Variants in JAK1 observed in about 807,000 individuals in gnomAD.
The protein encoded by JAK1 is tyrosine-protein kinase JAK1.
In JAK1, 16 loss-of-function variants were observed where a neutral mutation model predicts 136.6. That is an observed-to-expected ratio of 0.12 (90% CI 0.08 to 0.18). JAK1 has a LOEUF of 0.18. Among genes scored for constraint, JAK1 ranks in the 10% least tolerant of loss-of-function variants. The pLI is 1.00. For synonymous variants in JAK1, 492 were observed against 519.5 expected, an observed-to-expected ratio of 0.95 and a Z score of 0.72; for missense variants, 859 against 1,450.1, an observed-to-expected ratio of 0.59 and a Z score of 6.62.
intron 1 of JAK1, among the ~76,000 whole-genome samples, chr1:64,949,242 G>A (rs1646039647): frequency 6.6e-6 from 1 of 152,160 alleles, no homozygotes; most frequent in African/African-American, 2.4e-5. Flanking sequence ...AGTCATCAAA[G>A]TAGAATACAT....
intron 2 of JAK1, among the ~76,000 whole-genome samples, chr1:65,010,012 C>A (rs531934878): frequency 6.6e-6 from 1 of 152,328 alleles, no homozygotes; most frequent in South Asian, 2.1e-4. Context: ...ACTTTCGACT[C>A]CATCATGCAA....
chr1:64,999,350 C>T (rs1030662817), intron 2 of JAK1, among the ~76,000 whole-genome samples: 1 of 152,194 alleles, frequency 6.6e-6, no homozygotes, highest in African/African-American at 2.4e-5. Context: ...CACCTTGTTT[C>T]TGTATAGGAC....
chr1:64,850,907 A>T lies in JAK1; in HGVS notation c.1652T>A (p.Ile551Asn). The T allele has an allele frequency of 6.2e-7, 1 of 1,609,452 alleles. No homozygotes were observed. Residue 551 changes from isoleucine (I) to asparagine (N), a missense_variant, in exon 12 of 25, where the codon ATC (isoleucine) becomes AAC (asparagine). Physicochemically the swap from Ile to Asn is moderately radical, Grantham distance 149. This residue lies in a region of JAK1 where 409 missense variants were observed against 753.8 expected (regional missense o/e 0.54). Transcript: ENST00000342505. ...CTTAGTAGCCACCAGCAGGTTGGAGATTTCTGTGGAAGAGATTGGGGGAGT... is the reference window on the plus strand; with the variant it reads ...CTTAGTAGCCACCAGCAGGTTGGAGTTTTCTGTGGAAGAGATTGGGGGAGT... ...KRCCQPKPRE[I>N]SNLLVATKKA...
intron 1 of JAK1, among the ~76,000 whole-genome samples, chr1:64,909,503 C>G (rs1236438761): frequency 6.6e-6 from 1 of 151,954 alleles, no homozygotes; most frequent in African/African-American, 2.4e-5. Flanking sequence ...GACAGTGTCA[C>G]AAGAATTATT....
chr1:65,011,672 G>C (rs1470452398), intron 2 of JAK1, among the ~76,000 whole-genome samples: 1 of 152,176 alleles, frequency 6.6e-6, no homozygotes, highest in Non-Finnish European at 1.5e-5. Context: ...TTTCACCTGT[G>C]ATGACTAGAC....
intron 12 of JAK1, among the ~76,000 whole-genome samples, chr1:64,850,365 T>C (rs766854838): frequency 4.6e-5 from 7 of 152,256 alleles, no homozygotes; most frequent in Non-Finnish European, 8.8e-5. Flanking sequence ...GCATGTCCTC[T>C]TGTTCCCTCC....
At position 64,854,688 on chromosome 1, in the gene JAK1, A is replaced by C. The variant is rs79927092; in HGVS notation, c.1648+821T>G. Among the ~76,000 whole-genome samples, 100 of 151,814 alleles carry C rather than the reference A, an allele frequency of 6.6e-4. No homozygotes were observed. The East Asian group carries it at 7.9e-3, about 12-fold the overall frequency. ...AAACAGCTGAGTGGCTCCCCCTTGG[A>C]TCCATTTCACTCCCTGATCCTCCCT... is the stretch of plus-strand genomic sequence containing the variant. On this transcript the variant is annotated intron_variant, in intron 11 of 24. Coordinates refer to ENST00000342505, the MANE Select transcript of JAK1 (RefSeq NM_002227.4).
chr1:64,869,027 G>A (rs1407722960), intron 6 of JAK1, among the ~76,000 whole-genome samples: 1 of 152,140 alleles, frequency 6.6e-6, no homozygotes, highest in Non-Finnish European at 1.5e-5. Context: ...TCCACCATGG[G>A]CAAGGAGGGG....
chr1:64,926,508 C>T (rs1028953627), intron 1 of JAK1, among the ~76,000 whole-genome samples: 6 of 152,026 alleles, frequency 3.9e-5, no homozygotes, highest in Non-Finnish European at 5.9e-5. Context: ...TCAGTATACA[C>T]GGCCCTTCCC....
At chr1:65,062,044 G>GA (rs955425931) in intron 1 of JAK1, among the ~76,000 whole-genome samples, 22 of 149,224 alleles carry the variant, frequency 1.5e-4, no homozygotes, top group East Asian at 7.8e-4. Context: ...CCATGTGGAC[G>GA]AAAAAAAAAC....
At chr1:65,017,485 A>T (rs1230679787) in intron 2 of JAK1, among the ~76,000 whole-genome samples, 3 of 152,114 alleles carry the variant, frequency 2.0e-5, no homozygotes, top group Non-Finnish European at 2.9e-5. Context: ...TAAAAATAAA[A>T]ATAAATCATT....
chr1:64,954,652 T>C (rs1646150316), intron 1 of JAK1, among the ~76,000 whole-genome samples: 1 of 152,184 alleles, frequency 6.6e-6, no homozygotes, highest in East Asian at 1.9e-4. Context: ...TATATTTCTA[T>C]TACCACTCTC....
At chr1:64,968,004 A>T (rs1283610270), upstream of JAK1, among the ~76,000 whole-genome samples, 1 of 152,184 alleles carries the variant, frequency 6.6e-6, no homozygotes, top group Non-Finnish European at 1.5e-5. Context: ...CTGAAGGTGA[A>T]CTATGATAAT....
chr1:65,051,915 C>G (rs920727965), intron 1 of JAK1, among the ~76,000 whole-genome samples: 15 of 152,116 alleles, frequency 9.9e-5, no homozygotes, highest in African/African-American at 3.6e-4. Flanking sequence ...GAAACCTTGT[C>G]AGACAGCTTA....
At position 64,855,503 on chromosome 1, in the gene JAK1, A is replaced by G. The variant is rs1368436522; in HGVS notation, c.1648+6T>C. 1 of 1,613,240 alleles carries G rather than the reference A, an allele frequency of 6.2e-7. No homozygotes were observed. Among genetic ancestry groups the G allele is most frequent in the Admixed American group, 1.7e-5 (1 of 59,972 alleles). ...TACAGCCTGGCTCTGGCACAGGGAG[A>G]CGAACCTCGGGGCTTGGGCTGGCAG... On this transcript the variant is annotated splice_donor_region_variant and intron_variant, in intron 11 of 24. Transcript: ENST00000342505.
intron 19 of JAK1, among the ~76,000 whole-genome samples, 178 bp from the exon 20 acceptor site, chr1:64,839,973 T>C (rs1654785845): frequency 6.6e-6 from 1 of 152,244 alleles, no homozygotes; most frequent in Non-Finnish European, 1.5e-5. Flanking sequence ...CCTCGCTCTC[T>C]TGGCCTCACA....
At chr1:64,843,941 C>A in intron 17 of JAK1, 123 bp downstream of exon 17, 4 of 1,074,896 alleles carry the variant, frequency 3.7e-6, no homozygotes, top group East Asian at 2.4e-5. Flanking sequence ...CCAGTAGGCC[C>A]GTGAAGAGAT....
chr1:64,888,431 C>T (rs779214716), intron 1 of JAK1, among the ~76,000 whole-genome samples: 19 of 152,230 alleles, frequency 1.2e-4, no homozygotes, highest in Non-Finnish European at 1.6e-4. Context: ...CCGCCCGCCT[C>T]AGCCTCCCAA....
chr1:65,015,768 T>C (rs780780765), intron 2 of JAK1, among the ~76,000 whole-genome samples: 4 of 152,182 alleles, frequency 2.6e-5, no homozygotes, highest in Non-Finnish European at 4.4e-5. Context: ...AAAATCATTA[T>C]TGAAAACAAT....
Sources: allele counts gnomAD v4.1 joint callset (sites outside exome capture counted in the v4.1 genomes callset), GRCh38; gene constraint gnomAD v4.1.1; regional missense constraint gnomAD v4.1.1; transcripts MANE v1.5; gene names NCBI Gene and HGNC (gene_info 2026-07-23, HGNC 2026-07-21).